JMJD1C: variants seen among roughly 807,000 people sequenced by gnomAD.
The protein encoded by JMJD1C is jumonji domain-containing protein 1C.
A neutral mutation model predicts 245.3 loss-of-function variants in JMJD1C; 31 were observed. That is an observed-to-expected ratio of 0.13 (90% CI 0.09 to 0.17). The LOEUF (loss-of-function observed/expected upper bound fraction) is 0.17. Among genes scored for constraint, JMJD1C ranks in the 10% least tolerant of loss-of-function variants. The pLI, the probability that JMJD1C is intolerant of heterozygous loss-of-function variation, is 1.00. For synonymous variants in JMJD1C, 1,057 were observed against 1,017.4 expected (o/e 1.04, Z -0.74); for missense variants, 2,691 against 3,000.2 (o/e 0.90, Z 2.41).
At chr10:63,422,154 G>A (rs1218902586) in intron 1 of JMJD1C, among the ~76,000 whole-genome samples, 3 of 152,204 alleles carry the variant, frequency 2.0e-5, no homozygotes, top group African/African-American at 7.2e-5. Flanking sequence ...GCTCACACTT[G>A]TAAACCCAGC....
In JMJD1C at chr10:63,465,860, C is replaced by CT. The variant is rs1953228873; in HGVS notation, c.-199dup. On this transcript the variant is annotated 5_prime_UTR_variant, in exon 1 of 26. Transcript: ENST00000399262. The stretch of plus-strand genomic sequence containing the variant: ...CCCTCCCCGCAAACACTCCTTTGGA[C>CT]TCCCAGATTCGCAGCCTTGTGCTGC... 2 of 695,290 alleles carry CT rather than the reference C, an allele frequency of 2.9e-6. No homozygotes were observed. Among genetic ancestry groups the CT allele is most frequent in the African/African-American group, 1.8e-5 (1 of 57,116 alleles). The allele number at this position is 695,290 out of a possible 1,614,324, so 43.1% of individuals were successfully genotyped here. A position where few individuals can be genotyped will look rare whatever the true frequency, so the allele number is the denominator to read the frequency against.
intron 2 of JMJD1C, among the ~76,000 whole-genome samples, chr10:63,302,329 A>G (rs764650867): frequency 4.6e-5 from 7 of 152,258 alleles, no homozygotes; most frequent in Non-Finnish European, 1.0e-4. Flanking sequence ...ATGAATATAT[A>G]TAATTAGAAA....
chr10:63,395,534 A>C (rs2134646401), intron 1 of JMJD1C, among the ~76,000 whole-genome samples: 1 of 152,296 alleles, frequency 6.6e-6, no homozygotes, highest in South Asian at 2.1e-4. Context: ...AAGGATGCAA[A>C]GCAACTAACT....
intron 3 of JMJD1C, among the ~76,000 whole-genome samples, chr10:63,263,969 C>CACAT (rs1855165573): frequency 9.2e-6 from 1 of 108,376 alleles, no homozygotes; most frequent in African/African-American, 3.7e-5. Context: ...TACACACACA[C>CACAT]ACACACACAC....
At chr10:63,521,607 G>A in intron 1 of JMJD1C, 3 of 1,375,444 alleles carry the variant, frequency 2.2e-6, no homozygotes, top group Non-Finnish European at 1.9e-6. Flanking sequence ...CCCTGCAGCC[G>A]GCGCGAGGCC....
At chr10:63,510,062 G>T (rs987082092) in intron 1 of JMJD1C, among the ~76,000 whole-genome samples, 6 of 151,454 alleles carry the variant, frequency 4.0e-5, no homozygotes, top group Admixed American at 3.9e-4. Flanking sequence ...GAGTGCAGTG[G>T]CGTGATCTCG....
At chr10:63,243,480 C>T (rs979025155) in intron 3 of JMJD1C, among the ~76,000 whole-genome samples, 16 of 152,234 alleles carry the variant, frequency 1.1e-4, no homozygotes, top group African/African-American at 3.4e-4. Flanking sequence ...GAGCCGAGAT[C>T]ACGCCATTGC....
At chr10:63,204,095 C>A in intron 10 of JMJD1C, 1 of 907,688 alleles carries the variant, frequency 1.1e-6, no homozygotes, top group Non-Finnish European at 1.3e-6. Flanking sequence ...CACTGCACTC[C>A]AGTCTGGGCA....
Position 63,208,604 on chromosome 10 carries a change from T to C in JMJD1C, c.3065A>G (p.His1022Arg). Residue 1022 changes from histidine to arginine, a missense_variant, in exon 10 of 26, where the codon CAC becomes CGC. Around this residue, in one of 9 missense-constraint regions of JMJD1C, gnomAD observed 1,562 missense variants for 1,490.7 expected, o/e 1.05. Transcript: ENST00000399262. ...AATACTTTCTTGAAGAATTCGACGG[T>C]GTTCCTCTTTGTATTTGTTTAACCT... ...GERLNKYKEE[H>R]RRILQESIDV... 1 of 1,614,022 alleles carries C rather than the reference T, an allele frequency of 6.2e-7. No homozygotes were observed. The highest frequency in any genetic ancestry group is 1.1e-5 in the South Asian group (1 of 91,078).
At chr10:63,293,987 A>G (rs753465330) in intron 2 of JMJD1C, among the ~76,000 whole-genome samples, 1 of 152,092 alleles carries the variant, frequency 6.6e-6, no homozygotes, top group Non-Finnish European at 1.5e-5. Flanking sequence ...TTTTAATTTA[A>G]TTGCCCTTCT....
chr10:63,267,905 C>G (rs1400595840), intron 2 of JMJD1C, among the ~76,000 whole-genome samples: 1 of 152,006 alleles, frequency 6.6e-6, no homozygotes, highest in Non-Finnish European at 1.5e-5. Context: ...CATGCTGCAC[C>G]ACATTCCATT....
intron 1 of JMJD1C, among the ~76,000 whole-genome samples, chr10:63,426,206 C>T (rs1950429804): frequency 1.3e-5 from 2 of 151,960 alleles, no homozygotes; most frequent in Non-Finnish European, 2.9e-5. Context: ...AACACCCACC[C>T]TCTCTCTACA....
At chr10:63,424,076 T>TA (rs1379092832) in intron 1 of JMJD1C, among the ~76,000 whole-genome samples, 1 of 152,188 alleles carries the variant, frequency 6.6e-6, no homozygotes, top group East Asian at 1.9e-4. Context: ...TTTTTTTAAT[T>TA]AAAAAATGGA....
chr10:63,342,309 T>G (rs1218962329), intron 2 of JMJD1C, among the ~76,000 whole-genome samples: 1 of 152,222 alleles, frequency 6.6e-6, no homozygotes, highest in Admixed American at 6.5e-5. Context: ...ATGGGCTTAC[T>G]GAAGGACTAA....
chr10:63,394,672 C>T (rs1306004045), intron 1 of JMJD1C, among the ~76,000 whole-genome samples: 1 of 152,046 alleles, frequency 6.6e-6, no homozygotes, highest in African/African-American at 2.4e-5. Flanking sequence ...TGGAGAAACC[C>T]TGTGTCTACT....
chr10:63,204,008 AG>A, intron 10 of JMJD1C: 1 of 981,606 alleles, frequency 1.0e-6, no homozygotes, highest in Non-Finnish European at 1.2e-6. Flanking sequence ...TTCTGTGCTC[AG>A]GAGACTGAGG....
intron 14 of JMJD1C, 178 bp from the exon 15 acceptor site, chr10:63,193,650 A>G: frequency 2.1e-6 from 1 of 475,696 alleles, no homozygotes. Flanking sequence ...TTATTCAACC[A>G]AATTTATGTT....
At chr10:63,267,748 T>A (rs1855770857) in intron 2 of JMJD1C, among the ~76,000 whole-genome samples, 1 of 152,250 alleles carries the variant, frequency 6.6e-6, no homozygotes, top group African/African-American at 2.4e-5. Flanking sequence ...GAGTGAGAGT[T>A]TTTTTTAAGG....
At chr10:63,510,072 G>A (rs1589840676) in intron 1 of JMJD1C, among the ~76,000 whole-genome samples, 2 of 150,964 alleles carry the variant, frequency 1.3e-5, no homozygotes, top group East Asian at 2.0e-4. Context: ...GCGTGATCTC[G>A]GCTCACTGCA....
Sources: allele counts gnomAD v4.1 joint callset (sites outside exome capture counted in the v4.1 genomes callset), GRCh38; gene constraint gnomAD v4.1.1; regional missense constraint gnomAD v4.1.1; transcripts MANE v1.5; gene names NCBI Gene and HGNC (gene_info 2026-07-23, HGNC 2026-07-21).